Variants in PRG3 observed in about 807,000 individuals in gnomAD.
The protein encoded by PRG3 is proteoglycan 3, pro eosinophil major basic protein 2, also known as proteoglycan 3.
PRG3 carries 25 observed loss-of-function variants against 26.1 expected under a neutral mutation model. That is an observed-to-expected ratio of 0.96 (90% CI 0.70 to 1.34). The LOEUF (loss-of-function observed/expected upper bound fraction) is 1.34. PRG3 is among the 40% of genes most tolerant of loss of function. PRG3 has a pLI of 0.00. For missense variants in PRG3, 280 were observed against 264.8 expected (o/e 1.06, Z -0.40); for synonymous variants, 111 against 100.4 (o/e 1.11, Z -0.63).
At position 57,378,676 on chromosome 11, in the gene PRG3, C is replaced by A. The variant is rs766908768; in HGVS notation, c.507+5G>T. On this transcript the variant is annotated splice_donor_5th_base_variant and intron_variant, in intron 4 of 5. Coordinates refer to ENST00000287143, the MANE Select transcript of PRG3 (RefSeq NM_006093.4). Reference sequence around the variant, plus strand: ...ACTGCACCCAAGATTTGGCCCCTGACTTACCCAGCCCCTGAGGTTGCCTCC... The same window carrying A: ...ACTGCACCCAAGATTTGGCCCCTGAATTACCCAGCCCCTGAGGTTGCCTCC... 6.2e-7 allele frequency: 1 copy of A among 1,612,982 alleles called. No individual in the cohort carries two copies. Among genetic ancestry groups the A allele is most frequent in the South Asian group, 1.1e-5 (1 of 90,984 alleles).
At position 57,377,882 on chromosome 11, in the gene PRG3, G is replaced by A. The variant is rs866688976; in HGVS notation, c.508-46C>T. On this transcript the variant is annotated intron_variant, in intron 4 of 5. Transcript: ENST00000287143. ...GTCAGAGGGCAGAAGTTCAGATCCA[G>A]GACCTCATGGAATACCCCCTGTTGA... 14 of 1,496,976 alleles carry A rather than the reference G, an allele frequency of 9.4e-6. 1 individual carries two copies. The Middle Eastern group carries it at 6.8e-4, about 73-fold the overall frequency. The allele number at this position is 1,496,976 out of a possible 1,614,324, so 92.7% of individuals were successfully genotyped here.
intron 3 of PRG3, 45 bp downstream of exon 3, chr11:57,379,449 T>A (rs775779560): frequency 1.2e-5 from 18 of 1,502,414 alleles, no homozygotes; most frequent in Non-Finnish European, 1.6e-5. Flanking sequence ...CTGAATGTAC[T>A]CTCTTTTCCC....
Position 57,378,692 on chromosome 11 carries a change from G to T in PRG3, c.496C>A (p.Leu166Ile). 2.5e-6 allele frequency: 4 copies of T among 1,613,554 alleles called. No individual in the cohort carries two copies. Among genetic ancestry groups the T allele is most frequent in the South Asian group, 1.1e-5 (1 of 91,024 alleles). The change falls in exon 4 of 6, where the codon CTC becomes ATC. Residue 166 changes from leucine (L) to isoleucine (I), a missense_variant. By Grantham distance (5) the Leu-to-Ile change is conservative. Coordinates refer to ENST00000287143, the MANE Select transcript of PRG3 (RefSeq NM_006093.4). ...NQAQVWIGGN[L>I]RGWFLWKRFC... ...GGCCCCTGACTTACCCAGCCCCTGAGGTTGCCTCCAATCCAGACCTGGGCT... is the reference window on the plus strand; with the variant it reads ...GGCCCCTGACTTACCCAGCCCCTGATGTTGCCTCCAATCCAGACCTGGGCT...
rs1856991471 is a variant in PRG3, at chr11:57,380,689, A to G, written c.20T>C (p.Leu7Pro). The G allele has an allele frequency of 1.3e-6, 2 of 1,573,842 alleles. No individual in the cohort carries two copies. The highest frequency in any genetic ancestry group is 1.7e-6 in the Non-Finnish European group (2 of 1,165,040). Residue 7 changes from leucine to proline, a missense_variant, in exon 2 of 6, where the codon CTG (leucine) becomes CCG (proline). By Grantham distance (98) the Leu-to-Pro change is moderately conservative. Coordinates refer to ENST00000287143, the MANE Select transcript of PRG3 (RefSeq NM_006093.4). Reference sequence around the variant, plus strand: ...AACTGTTCCCAGCAGGAGAAAGGGCAGGAGCAAGAGGCATTGCATATCTAC... The same window carrying G: ...AACTGTTCCCAGCAGGAGAAAGGGCGGGAGCAAGAGGCATTGCATATCTAC... MQCLLLLPFLLLGTVSA... is the reference protein window; with the variant it reads MQCLLLPPFLLLGTVSA...
chr11:57,377,584 C>T (rs1185803324), intron 5 of PRG3, 141 bp downstream of exon 5: 2 of 670,030 alleles, frequency 3.0e-6, no homozygotes, highest in Admixed American at 5.7e-5. Flanking sequence ...ATGTCTCAGC[C>T]CTCCTTACAC....
chr11:57,380,786 C>T lies in PRG3; in HGVS notation c.-73-5G>A, dbSNP rs755857900. ...TTTGTGTGTCTAGTATAGCCCCTGGCACATAGTATAGAGGGAATATTTGTT... is the reference window on the plus strand; with the variant it reads ...TTTGTGTGTCTAGTATAGCCCCTGGTACATAGTATAGAGGGAATATTTGTT... On this transcript the variant is annotated splice_polypyrimidine_tract_variant and splice_region_variant and intron_variant, in intron 1 of 5. Transcript: ENST00000287143. 27 of 1,002,794 alleles carry T rather than the reference C, an allele frequency of 2.7e-5. No homozygotes were observed. Among genetic ancestry groups the T allele is most frequent in the Non-Finnish European group, 3.7e-5 (26 of 703,248 alleles). 62.1% of individuals were successfully genotyped at this position (1,002,794 alleles called of 1,614,324 possible). A position where few individuals can be genotyped will look rare whatever the true frequency, so the allele number is the denominator to read the frequency against.
At position 57,380,742 on chromosome 11, in the gene PRG3, C is replaced by CTTAGCCCAGACTCCTGCCCCTGCG; in HGVS notation, c.-35_-34insCGCAGGGGCAGGAGTCTGGGCTAA. On this transcript the variant is annotated 5_prime_UTR_variant, in exon 2 of 6. Transcript: ENST00000287143. ...TCTTTTAGCGAGGACACTACTCCAC[C>CTTAGCCCAGACTCCTGCCCCTGCG]GTCCTTCTTGGGGCTGTCTTTGTGT... 1 of 1,456,732 alleles carries CTTAGCCCAGACTCCTGCCCCTGCG rather than the reference C, an allele frequency of 6.9e-7. No individual in the cohort carries two copies. The highest frequency in any genetic ancestry group is 9.2e-7 in the Non-Finnish European group (1 of 1,088,962). The allele number at this position is 1,456,732 out of a possible 1,614,324, so 90.2% of individuals were successfully genotyped here.
At position 57,379,590 on chromosome 11, in the gene PRG3, G is replaced by C; in HGVS notation, c.279C>G (p.Pro93=). ...PAALDKDFQC[P]REEDIVEVQG... ...GCACTTCAACAATGTCTTCTTCCCT[G>C]GGGCACTGGAAGTCCTTGTCTAAGG... Residue 93 remains proline (P), a synonymous_variant, in exon 3 of 6, where the codon CCC becomes CCG. Transcript: ENST00000287143. The C allele has an allele frequency of 6.2e-7, 1 of 1,613,876 alleles. No homozygotes were observed. Among genetic ancestry groups the C allele is most frequent in the Admixed American group, 1.7e-5 (1 of 60,022 alleles).
intron 3 of PRG3, 64 bp from the exon 4 acceptor site, chr11:57,378,876 A>T: frequency 6.3e-7 from 1 of 1,596,398 alleles, no homozygotes; most frequent in Non-Finnish European, 8.6e-7. Flanking sequence ...GTCTCCAGGC[A>T]AGAGCCCGGC....
At position 57,378,696 on chromosome 11, in the gene PRG3, G is replaced by T; in HGVS notation, c.492C>A (p.Gly164=). Residue 164 remains glycine, a synonymous_variant, in exon 4 of 6, where the codon GGC becomes GGA. Transcript: ENST00000287143. ...TVNQAQVWIG[G]NLRGWFLWKR... ...CCTGACTTACCCAGCCCCTGAGGTTGCCTCCAATCCAGACCTGGGCTTGGT... is the reference window on the plus strand; with the variant it reads ...CCTGACTTACCCAGCCCCTGAGGTTTCCTCCAATCCAGACCTGGGCTTGGT... 6.2e-7 allele frequency: 1 copy of T among 1,613,588 alleles called. No individual in the cohort carries two copies. The highest frequency in any genetic ancestry group is 8.5e-7 in the Non-Finnish European group (1 of 1,179,748).
chr11:57,380,226 C>A (rs1415305294), intron 2 of PRG3, among the ~76,000 whole-genome samples: 2 of 151,944 alleles, frequency 1.3e-5, no homozygotes, highest in Non-Finnish European at 2.9e-5. Context: ...ATGGTGAAAC[C>A]CCATCTCTAC....
intron 2 of PRG3, among the ~76,000 whole-genome samples, 168 bp downstream of exon 2, chr11:57,380,480 A>G (rs1393878942): frequency 6.6e-6 from 1 of 152,148 alleles, no homozygotes; most frequent in African/African-American, 2.4e-5. Context: ...AGAAAGTTCC[A>G]GGTTACAGTT....
At chr11:57,377,689 A>T in intron 5 of PRG3, 36 bp downstream of exon 5, 1 of 1,544,646 alleles carries the variant, frequency 6.5e-7, no homozygotes, top group Non-Finnish European at 8.9e-7. Flanking sequence ...CCACTTTACT[A>T]TCCCTTCTCC....
In PRG3 at chr11:57,379,695, C is replaced by T; in HGVS notation, c.174G>A (p.Gln58=). 6.2e-7 allele frequency: 1 copy of T among 1,613,996 alleles called. No individual in the cohort carries two copies. Among genetic ancestry groups the T allele is most frequent in the Non-Finnish European group, 8.5e-7 (1 of 1,180,042 alleles). Reference sequence around the variant, plus strand: ...AAGCCTTGACCTCCTCTCCCTCTGCCTGAATCACCTCCTCCGTCAGAGCCA... The same window carrying T: ...AAGCCTTGACCTCCTCTCCCTCTGCTTGAATCACCTCCTCCGTCAGAGCCA... ...RDLALTEEVI[Q]AEGEEVKASA... The change falls in exon 3 of 6, where the codon CAG becomes CAA. Residue 58 remains glutamine (Q), a synonymous_variant. Coordinates refer to ENST00000287143, the MANE Select transcript of PRG3 (RefSeq NM_006093.4).
chr11:57,378,793 T>A lies in PRG3; in HGVS notation c.395A>T (p.Tyr132Phe). 2.5e-6 allele frequency: 4 copies of A among 1,613,796 alleles called. No individual in the cohort carries two copies. Among genetic ancestry groups the A allele is most frequent in the Non-Finnish European group, 2.5e-6 (3 of 1,179,970 alleles). Residue 132 changes from tyrosine (Y) to phenylalanine (F), a missense_variant, in exon 4 of 6, where the codon TAC (tyrosine) becomes TTC (phenylalanine). Transcript: ENST00000287143. The part of the protein sequence containing the change: ...AEAQNVCSRC[Y>F]GGNLVSIHDF... ...ATGGATAGAGACAAGGTTGCCTCCG[T>A]AGCATCTGCTGCAGACATTCTGCAG...
Position 57,377,763 on chromosome 11 carries a change from C to T in PRG3, c.581G>A (p.Gly194Glu). ...NFAYWSPGQP[G>E]NGQGSCVALC... ...GGCCACACAGGAGCCTTGCCCATTC[C>T]CAGGTTGCCCTGGGGACCAGTAAGC... Residue 194 changes from glycine to glutamate, a missense_variant, in exon 5 of 6, where the codon GGG becomes GAG. Coordinates refer to ENST00000287143, the MANE Select transcript of PRG3 (RefSeq NM_006093.4). 1.2e-6 allele frequency: 2 copies of T among 1,613,132 alleles called. No homozygotes were observed. Among genetic ancestry groups the T allele is most frequent in the Non-Finnish European group, 1.7e-6 (2 of 1,179,942 alleles).
chr11:57,376,968 T>G, intron 5 of PRG3, 60 bp from the exon 6 acceptor site: 1 of 1,586,230 alleles, frequency 6.3e-7, no homozygotes, highest in Non-Finnish European at 8.6e-7. Flanking sequence ...GGGCTTCACC[T>G]CTTTCCCTCC....
At chr11:57,376,967 C>T in intron 5 of PRG3, 59 bp from the exon 6 acceptor site, 5 of 1,587,554 alleles carry the variant, frequency 3.1e-6, no homozygotes, top group Non-Finnish European at 4.3e-6. Context: ...TGGGCTTCAC[C>T]TCTTTCCCTC....
At chr11:57,377,669 T>A in intron 5 of PRG3, 56 bp downstream of exon 5, 18 of 1,421,404 alleles carry the variant, frequency 1.3e-5, no homozygotes, top group Non-Finnish European at 1.8e-5. Flanking sequence ...AAAGGGGTAG[T>A]ATTAAGAATC....
Sources: gnomAD v4.1 joint callset for allele counts (sites outside exome capture counted in the v4.1 genomes callset) on GRCh38, gnomAD v4.1.1 for gene constraint, MANE v1.5 for transcripts, NCBI Gene and HGNC (gene_info 2026-07-23, HGNC 2026-07-21) for gene names.